BRAP: variants seen among roughly 807,000 people sequenced by gnomAD.
BRAP encodes BRCA1 associated protein, also known as BRCA1-associated protein.
In BRAP, 42 loss-of-function variants were observed where a neutral mutation model predicts 73.4. That is an observed-to-expected ratio of 0.57 (90% CI 0.45 to 0.74). The LOEUF (loss-of-function observed/expected upper bound fraction) is 0.74, where lower values mean the gene tolerates loss of function less well. Ranked by LOEUF, BRAP falls within the 30% of genes least tolerant of loss-of-function variation. The pLI is 0.00. For missense variants in BRAP, 593 were observed against 751.4 expected (o/e 0.79, Z 2.46); for synonymous variants, 255 against 267.4 (o/e 0.95, Z 0.45).
intron 1 of BRAP, chr12:111,685,484 G>T: frequency 9.7e-7 from 1 of 1,032,712 alleles, no homozygotes; most frequent in South Asian, 2.5e-5. Flanking sequence ...TAAACTAAAT[G>T]CCCTCAGACG....
chr12:111,678,249 CA>C (rs60763826), intron 4 of BRAP, among the ~76,000 whole-genome samples: 7,009 of 57,496 alleles, frequency 0.12, 460 homozygotes, highest in East Asian at 0.56. Context: ...AACTCCGTCT[CA>C]AAAAAAAAAA....
rs749187538 is a variant in BRAP, at chr12:111,650,065, G to A, written c.1312-23C>T. On this transcript the variant is annotated intron_variant, in intron 10 of 11. Transcript: ENST00000419234. Reference sequence around the variant, plus strand: ...AATCTGAAAGAGCAAAGAGAAATCAGATTCATTTCACAAAGGTAATGTGGT... The same window carrying A: ...AATCTGAAAGAGCAAAGAGAAATCAAATTCATTTCACAAAGGTAATGTGGT... 2.7e-6 allele frequency: 4 copies of A among 1,502,958 alleles called. No homozygotes were observed. In the Admixed American group the frequency reaches 5.0e-5, roughly 19 times the overall value. The allele number at this position is 1,502,958 out of a possible 1,614,324, so 93.1% of individuals were successfully genotyped here. A position where few individuals can be genotyped will look rare whatever the true frequency, so the allele number is the denominator to read the frequency against.
At position 111,685,929 on chromosome 12, in the gene BRAP, C is replaced by T; in HGVS notation, c.-137G>A. On this transcript the variant is annotated 5_prime_UTR_variant, in exon 1 of 12. Coordinates refer to ENST00000419234, the MANE Select transcript of BRAP (RefSeq NM_006768.5). ...GCCGCCGCCTCAGCAGCAGCAGCTC[C>T]TCGAACAGCCCTCGGAGCCACAACA... 2.1e-6 allele frequency: 1 copy of T among 467,540 alleles called. No individual in the cohort carries two copies. The highest frequency in any genetic ancestry group is 3.6e-6 in the Non-Finnish European group (1 of 281,472). The allele number at this position is 467,540 out of a possible 1,614,324, so 29.0% of individuals were successfully genotyped here.
At chr12:111,680,596 G>C in intron 3 of BRAP, among the ~76,000 whole-genome samples, 1 of 151,898 alleles carries the variant, frequency 6.6e-6, no homozygotes, top group East Asian at 1.9e-4. Context: ...GCTACTCTGA[G>C]GCAGGAGAAT....
intron 10 of BRAP, among the ~76,000 whole-genome samples, chr12:111,653,015 C>T (rs1193949511): frequency 1.3e-5 from 2 of 152,064 alleles, no homozygotes; most frequent in Admixed American, 6.6e-5. Flanking sequence ...CGGCCAACCC[C>T]CCGATCTGAA....
intron 10 of BRAP, among the ~76,000 whole-genome samples, chr12:111,654,776 C>T (rs1410084991): frequency 6.6e-6 from 1 of 152,140 alleles, no homozygotes; most frequent in Non-Finnish European, 1.5e-5. Flanking sequence ...TATCTGAAGG[C>T]CCAAGGATAG....
At chr12:111,681,931 T>C in intron 2 of BRAP, 96 bp from the exon 3 acceptor site, 1 of 1,173,808 alleles carries the variant, frequency 8.5e-7, no homozygotes, top group Non-Finnish European at 1.2e-6. Flanking sequence ...GAATAAACTT[T>C]GATAGAGTAA....
intron 5 of BRAP, chr12:111,670,465 A>C: frequency 4.1e-6 from 1 of 245,642 alleles, no homozygotes; most frequent in Non-Finnish European, 8.0e-6. Flanking sequence ...GCGGATCTCA[A>C]AGTAAAAAGA....
At position 111,644,507 on chromosome 12, in the gene BRAP, G is replaced by C; in HGVS notation, c.1471C>G (p.Gln491Glu). The change falls in exon 12 of 12, where the codon CAG becomes GAG. Residue 491 changes from glutamine (Q) to glutamate (E), a missense_variant. Gln to Glu is a conservative substitution (Grantham distance 29). This residue lies in a region of BRAP where 143 missense variants were observed against 190.4 expected (regional missense o/e 0.75). Transcript: ENST00000419234. ...GCTCGCAAACACTTGTTCATTTCCT[G>C]CTCCTCTTTGAGCTCGTTGGTGAGT... is the stretch of plus-strand genomic sequence containing the variant. ...AKLTNELKEE[Q>E]EMNKCLRANQ... 3.1e-6 allele frequency: 5 copies of C among 1,614,052 alleles called. No homozygotes were observed. The highest frequency in any genetic ancestry group is 4.2e-6 in the Non-Finnish European group (5 of 1,179,988).
intron 6 of BRAP, among the ~76,000 whole-genome samples, chr12:111,664,249 T>C (rs576855577): frequency 6.6e-6 from 1 of 152,150 alleles, no homozygotes; most frequent in Non-Finnish European, 1.5e-5. Context: ...AGAGGATCAC[T>C]TGAGCCCAGG....
At chr12:111,655,521 C>T in intron 10 of BRAP, 45 bp downstream of exon 10, 1 of 1,502,740 alleles carries the variant, frequency 6.7e-7, no homozygotes, top group Non-Finnish European at 9.3e-7. Flanking sequence ...TCAGAGTGCC[C>T]TGCCATGTGT....
At position 111,644,529 on chromosome 12, in the gene BRAP, G is replaced by A. The variant is rs1168325272; in HGVS notation, c.1449C>T (p.Leu483=). 4 of 1,613,972 alleles carry A rather than the reference G, an allele frequency of 2.5e-6. No homozygotes were observed. The South Asian group carries it at 4.4e-5, about 18-fold the overall frequency. ...CTQLNTKVAK[L]TNELKEEQEM... ...CCTGCTCCTCTTTGAGCTCGTTGGT[G>A]AGTTTGGCCACTTTTGTGTTTAGCT... The change falls in exon 12 of 12, where the codon CTC becomes CTT. Residue 483 remains leucine (L), a synonymous_variant. Coordinates refer to ENST00000419234, the MANE Select transcript of BRAP (RefSeq NM_006768.5).
intron 4 of BRAP, among the ~76,000 whole-genome samples, chr12:111,674,021 G>A (rs185539354): frequency 2.5e-4 from 38 of 152,292 alleles, no homozygotes; most frequent in African/African-American, 8.4e-4. Flanking sequence ...AAAGTTATGT[G>A]CTTTGGCCCT....
In BRAP at chr12:111,681,800, A is replaced by G. The variant is rs369159533; in HGVS notation, c.280T>C (p.Ser94Pro). 16 of 1,612,138 alleles carry G rather than the reference A, an allele frequency of 9.9e-6. No homozygotes were observed. The African/African-American group carries it at 1.9e-4, about 19-fold the overall frequency. Residue 94 changes from serine (S) to proline (P), a missense_variant, in exon 3 of 12, where the codon TCA becomes CCA. Ser to Pro is a moderately conservative substitution (Grantham distance 74). This residue lies in a region of BRAP where 304 missense variants were observed against 337.7 expected (regional missense o/e 0.90). Transcript: ENST00000419234. ...CTTTGCGCAGTGGGGGAGGCTTCTG[A>G]AGACTTCCTTTCTTCCACTGTAGTT... Reference protein sequence around the residue: ...LKTTVEERKSSEASPTAQRSK... With the variant: ...LKTTVEERKSPEASPTAQRSK...
At chr12:111,673,936 C>T (rs1369638573) in intron 4 of BRAP, among the ~76,000 whole-genome samples, 2 of 152,136 alleles carry the variant, frequency 1.3e-5, no homozygotes, top group African/African-American at 2.4e-5. Context: ...TAAACTCAGC[C>T]AATTTTTTAA....
At chr12:111,674,797 G>A (rs904754233) in intron 4 of BRAP, among the ~76,000 whole-genome samples, 1 of 152,160 alleles carries the variant, frequency 6.6e-6, no homozygotes, top group Non-Finnish European at 1.5e-5. Flanking sequence ...CAGGAGCAAC[G>A]GTTTCTTGAA....
chr12:111,653,742 G>T (rs1371174202), intron 10 of BRAP, among the ~76,000 whole-genome samples: 1 of 152,142 alleles, frequency 6.6e-6, no homozygotes, highest in Non-Finnish European at 1.5e-5. Flanking sequence ...TCTACTGCTG[G>T]GGGTGCTAAC....
intron 5 of BRAP, among the ~76,000 whole-genome samples, chr12:111,667,571 G>A (rs1886991981): frequency 6.6e-6 from 1 of 151,450 alleles, no homozygotes; most frequent in Non-Finnish European, 1.5e-5. Context: ...GTGGTCGTGG[G>A]TGCCTGTAAT....
intron 4 of BRAP, among the ~76,000 whole-genome samples, chr12:111,673,619 A>G (rs1324529879): frequency 6.6e-6 from 1 of 151,730 alleles, no homozygotes; most frequent in Non-Finnish European, 1.5e-5. Flanking sequence ...AATAAACCAA[A>G]TAATAATAAT....
Sources: gnomAD v4.1 joint callset for allele counts (sites outside exome capture counted in the v4.1 genomes callset) on GRCh38, gnomAD v4.1.1 for gene constraint, gnomAD v4.1.1 regional missense constraint, MANE v1.5 for transcripts, NCBI Gene and HGNC (gene_info 2026-07-23, HGNC 2026-07-21) for gene names.